Variants in ADAMTS6 observed in about 807,000 individuals in gnomAD.
ADAMTS6 encodes the protein A disintegrin and metalloproteinase with thrombospondin motifs 6.
ADAMTS6 carries 23 observed loss-of-function variants against 144.3 expected under a neutral mutation model. The observed-to-expected ratio is 0.16, with a 90% confidence interval of 0.11 to 0.23. The LOEUF (loss-of-function observed/expected upper bound fraction) is 0.23. Ranked by LOEUF, ADAMTS6 falls within the 10% of genes least tolerant of loss-of-function variation. ADAMTS6 has a pLI of 1.00. For synonymous variants in ADAMTS6, 444 were observed against 457.5 expected, an observed-to-expected ratio of 0.97 and a Z score of 0.38; for missense variants, 999 against 1,379.6, an observed-to-expected ratio of 0.72 and a Z score of 4.37.
chr5:65,324,051 T>C (rs1374039298), intron 9 of ADAMTS6, among the ~76,000 whole-genome samples: 1 of 152,214 alleles, frequency 6.6e-6, no homozygotes, highest in Admixed American at 6.5e-5. Context: ...GCAAAAATTT[T>C]CTCCCATTCT....
intron 15 of ADAMTS6, among the ~76,000 whole-genome samples, chr5:65,234,258 C>CA (rs1053584213): frequency 6.6e-6 from 1 of 151,516 alleles, no homozygotes; most frequent in Non-Finnish European, 1.5e-5. Context: ...AAAGCACAGA[C>CA]AAAAAATGCC....
At chr5:65,363,411 G>A (rs1476959495) in intron 7 of ADAMTS6, among the ~76,000 whole-genome samples, 2 of 152,092 alleles carry the variant, frequency 1.3e-5, no homozygotes, top group African/African-American at 4.8e-5. Flanking sequence ...CTTATGCATA[G>A]ACTGAAAATA....
Position 65,329,461 on chromosome 5 carries a change from C to T in ADAMTS6, c.1140G>A (p.Met380Ile). 1 of 1,612,108 alleles carries T rather than the reference C, an allele frequency of 6.2e-7. No homozygotes were observed. The highest frequency in any genetic ancestry group is 8.5e-7 in the Non-Finnish European group (1 of 1,179,056). The part of the protein sequence containing the change: ...GTLGLASVAG[M>I]CEPERSCSIN... ...TGCTGCAGCTCCTTTCAGGCTCACACATTCCAGCCACAGAGGCCAAGCCTG... is the reference window on the plus strand; with the variant it reads ...TGCTGCAGCTCCTTTCAGGCTCACATATTCCAGCCACAGAGGCCAAGCCTG... The change falls in exon 9 of 25, where the codon ATG becomes ATA. Residue 380 changes from methionine to isoleucine, a missense_variant. Transcript: ENST00000381055.
At chr5:65,270,244 C>G (rs1761949592) in intron 12 of ADAMTS6, among the ~76,000 whole-genome samples, 1 of 152,150 alleles carries the variant, frequency 6.6e-6, no homozygotes, top group South Asian at 2.1e-4. Flanking sequence ...CTTTGCAGGG[C>G]TGTTTTGCTC....
intron 7 of ADAMTS6, among the ~76,000 whole-genome samples, chr5:65,365,092 A>C (rs1750185421): frequency 6.6e-6 from 1 of 152,168 alleles, no homozygotes; most frequent in African/African-American, 2.4e-5. Flanking sequence ...CACAGTAAAC[A>C]GTATGATGTC....
chr5:65,330,784 G>C (rs929914733), intron 8 of ADAMTS6, among the ~76,000 whole-genome samples: 1 of 152,062 alleles, frequency 6.6e-6, no homozygotes, highest in African/African-American at 2.4e-5. Context: ...GGAGGGAGTT[G>C]ATTTCTGCCT....
At chr5:65,307,146 C>T (rs1744013198) in intron 9 of ADAMTS6, among the ~76,000 whole-genome samples, 1 of 152,096 alleles carries the variant, frequency 6.6e-6, no homozygotes, top group African/African-American at 2.4e-5. Flanking sequence ...AGTTTGATTT[C>T]CACATTTAAG....
intron 7 of ADAMTS6, among the ~76,000 whole-genome samples, chr5:65,412,615 A>T (rs1394536654): frequency 6.6e-6 from 1 of 152,176 alleles, no homozygotes; most frequent in Non-Finnish European, 1.5e-5. Context: ...AAATTTGGAG[A>T]AGATGGCATT....
At chr5:65,395,780 G>A (rs1012831169) in intron 7 of ADAMTS6, among the ~76,000 whole-genome samples, 43 of 152,160 alleles carry the variant, frequency 2.8e-4, no homozygotes, top group African/African-American at 9.6e-4. Flanking sequence ...ACATTGAAAA[G>A]ATATACCAAA....
intron 9 of ADAMTS6, among the ~76,000 whole-genome samples, chr5:65,307,322 C>A (rs1658181602): frequency 6.6e-6 from 1 of 152,158 alleles, no homozygotes; most frequent in South Asian, 2.1e-4. Flanking sequence ...TTTTATATTT[C>A]ATTTTATTCA....
At chr5:65,272,371 A>G (rs1253006675) in intron 12 of ADAMTS6, among the ~76,000 whole-genome samples, 1 of 152,060 alleles carries the variant, frequency 6.6e-6, no homozygotes, top group Admixed American at 6.5e-5. Flanking sequence ...TCCTTTTTTT[A>G]GAGACAGAGT....
intron 7 of ADAMTS6, among the ~76,000 whole-genome samples, chr5:65,419,115 C>T (rs1428100459): frequency 6.6e-6 from 1 of 152,174 alleles, no homozygotes; most frequent in East Asian, 1.9e-4. Context: ...CATCACCGCA[C>T]TATTCACAAT....
chr5:65,217,358 T>G (rs954258718), intron 18 of ADAMTS6, among the ~76,000 whole-genome samples: 6 of 151,940 alleles, frequency 3.9e-5, no homozygotes, highest in Admixed American at 3.9e-4. Flanking sequence ...CTCCTTCAGT[T>G]TGAGCTCTCA....
At chr5:65,463,192 G>A (rs796103040) in intron 3 of ADAMTS6, among the ~76,000 whole-genome samples, 12 of 152,078 alleles carry the variant, frequency 7.9e-5, no homozygotes, top group South Asian at 6.2e-4. Context: ...TTAGAAGTGA[G>A]AGAATTATAC....
chr5:65,308,725 A>G (rs1744194184), intron 9 of ADAMTS6, among the ~76,000 whole-genome samples: 1 of 152,190 alleles, frequency 6.6e-6, no homozygotes, highest in South Asian at 2.1e-4. Context: ...ACACTTAGGA[A>G]TCATGTAAAT....
chr5:65,328,575 T>A (rs866579990), intron 9 of ADAMTS6, among the ~76,000 whole-genome samples: 1 of 152,024 alleles, frequency 6.6e-6, no homozygotes, highest in Admixed American at 6.6e-5. Flanking sequence ...AGCTCGTTTG[T>A]TTAGTTTTTA....
intron 3 of ADAMTS6, among the ~76,000 whole-genome samples, chr5:65,466,868 C>T (rs1288150146): frequency 6.6e-6 from 1 of 152,100 alleles, no homozygotes; most frequent in Non-Finnish European, 1.5e-5. Context: ...CAGTGAAACC[C>T]CGTCTCTACT....
chr5:65,273,773 A>G (rs1025322689), intron 11 of ADAMTS6, among the ~76,000 whole-genome samples: 11 of 152,196 alleles, frequency 7.2e-5, no homozygotes, highest in African/African-American at 2.4e-4. Context: ...AAGGAAATAT[A>G]TGTTTATTAC....
intron 3 of ADAMTS6, among the ~76,000 whole-genome samples, chr5:65,467,356 G>A (rs1037542734): frequency 6.6e-6 from 1 of 151,618 alleles, no homozygotes; most frequent in Non-Finnish European, 1.5e-5. Flanking sequence ...CAAATACCAA[G>A]CAGAAATTAG....
Sources: allele counts gnomAD v4.1 joint callset (sites outside exome capture counted in the v4.1 genomes callset), GRCh38; gene constraint gnomAD v4.1.1; transcripts MANE v1.5; gene names NCBI Gene and HGNC (gene_info 2026-07-23, HGNC 2026-07-21).